FAN1: variants seen among roughly 807,000 people sequenced by gnomAD.
FAN1 encodes FANCD2 and FANCI associated nuclease 1.
Under a neutral mutation model 104.9 loss-of-function variants are expected in FAN1, and 91 were observed. That is an observed-to-expected ratio of 0.87 (90% CI 0.73 to 1.03). FAN1 has a LOEUF of 1.03. Ranked by LOEUF, FAN1 falls within the 50% of genes least tolerant of loss-of-function variation. FAN1 has a pLI of 0.00. For missense variants in FAN1, 1,263 were observed against 1,239.9 expected, an observed-to-expected ratio of 1.02 and a Z score of -0.28; for synonymous variants, 478 against 457.6, an observed-to-expected ratio of 1.04 and a Z score of -0.57.
intron 13 of FAN1, among the ~76,000 whole-genome samples, chr15:30,932,221 CAAAAAAAAAAA>C (rs766829435): frequency 2.0e-5 from 1 of 49,508 alleles, no homozygotes; most frequent in South Asian, 7.4e-4. Context: ...GACTCCATCT[CAAAAAAAAAAA>C]AAAAAAAAAA....
chr15:30,914,482 A>G (rs1350533597), intron 5 of FAN1, among the ~76,000 whole-genome samples: 2 of 152,260 alleles, frequency 1.3e-5, no homozygotes, highest in Non-Finnish European at 2.9e-5. Flanking sequence ...CTCCCACCTC[A>G]GCCTCCCAAG....
Position 30,925,237 on chromosome 15 carries a change from G to A in FAN1, c.2283G>A (p.Lys761=). ...TGCGAGAGTCTCCGAGCTGTAAAAAGTTCAAGCACCTCTTCCAGCAGCTCC... is the reference window on the plus strand; with the variant it reads ...TGCGAGAGTCTCCGAGCTGTAAAAAATTCAAGCACCTCTTCCAGCAGCTCC... ...VRLRESPSCK[K]FKHLFQQLPE... The change falls in exon 9 of 15, where the codon AAG becomes AAA. Residue 761 remains lysine (K), a synonymous_variant. Transcript: ENST00000362065. 1.9e-6 allele frequency: 3 copies of A among 1,614,130 alleles called. No homozygotes were observed. The highest frequency in any genetic ancestry group is 2.5e-6 in the Non-Finnish European group (3 of 1,180,036).
chr15:30,930,802 G>A, intron 13 of FAN1, 131 bp downstream of exon 13: 2 of 1,108,870 alleles, frequency 1.8e-6, no homozygotes, highest in East Asian at 4.8e-5. Flanking sequence ...CCGAGGGCCT[G>A]GGTTCCTGTG....
intron 3 of FAN1, among the ~76,000 whole-genome samples, chr15:30,909,452 G>A (rs115738008): frequency 3.5e-4 from 53 of 152,350 alleles, no homozygotes; most frequent in African/African-American, 1.2e-3. Context: ...GGTCACCTGG[G>A]AACTTGATAC....
At position 30,922,302 on chromosome 15, in the gene FAN1, G is replaced by T. The variant is rs953653119; in HGVS notation, c.2120G>T (p.Trp707Leu). Residue 707 changes from tryptophan to leucine, a missense_variant, in exon 8 of 15, where the codon TGG becomes TTG. This residue lies in a region of FAN1 where 581 missense variants were observed against 668.8 expected (regional missense o/e 0.87). Transcript: ENST00000362065. Reference sequence around the variant, plus strand: ...TATTGTCCTGACAGCAGAGGCCGATGGTGGGATCGACTGGCCCTTAATTTA... The same window carrying T: ...TATTGTCCTGACAGCAGAGGCCGATTGTGGGATCGACTGGCCCTTAATTTA... ...RIYCPDSRGR[W>L]WDRLALNLHQ... 1.2e-6 allele frequency: 2 copies of T among 1,613,928 alleles called. No individual in the cohort carries two copies.
intron 14 of FAN1, chr15:30,939,462 T>C (rs989134601): frequency 1.0e-6 from 1 of 985,348 alleles, no homozygotes; most frequent in Non-Finnish European, 1.2e-6. Flanking sequence ...CTGAAGGCTG[T>C]CATAGTTGTT....
At chr15:30,932,313 G>A (rs2062734946) in intron 13 of FAN1, among the ~76,000 whole-genome samples, 1 of 151,384 alleles carries the variant, frequency 6.6e-6, no homozygotes, top group East Asian at 1.9e-4. Flanking sequence ...TATCTTAACA[G>A]CATTATTTTG....
chr15:30,919,378 CAAAAAAAA>C (rs34395788), intron 6 of FAN1, among the ~76,000 whole-genome samples: 6 of 75,132 alleles, frequency 8.0e-5, no homozygotes, highest in South Asian at 4.8e-4. Flanking sequence ...AACTCCGTCT[CAAAAAAAA>C]AAAAAAAAAA....
At chr15:30,928,418 CT>C (rs1228378859) in intron 10 of FAN1, 134 bp from the exon 11 acceptor site, 8 of 1,493,274 alleles carry the variant, frequency 5.4e-6, no homozygotes, top group Non-Finnish European at 7.1e-6. Flanking sequence ...GCATTTGCTT[CT>C]GAATCTAAAA....
At chr15:30,914,185 T>A in intron 5 of FAN1, 94 bp downstream of exon 5, 1 of 871,762 alleles carries the variant, frequency 1.1e-6, no homozygotes, top group Non-Finnish European at 1.8e-6. Context: ...GTAGAAACAT[T>A]AAGTCCACAG....
At position 30,930,528 on chromosome 15, in the gene FAN1, G is replaced by T. The variant is rs770400642; in HGVS notation, c.2788-15G>T. 1 of 1,583,192 alleles carries T rather than the reference G, an allele frequency of 6.3e-7. No individual in the cohort carries two copies. Among genetic ancestry groups the T allele is most frequent in the Non-Finnish European group, 8.5e-7 (1 of 1,170,942 alleles). On this transcript the variant is annotated splice_polypyrimidine_tract_variant and intron_variant, in intron 12 of 14. Transcript: ENST00000362065. ...CACGAGGGAAGTGGCTAACTGTCCT[G>T]TGTTTTGTGTTCAGGATCTTGTCTC...
chr15:30,919,688 C>CA (rs1315183821), intron 6 of FAN1, among the ~76,000 whole-genome samples: 2 of 118,624 alleles, frequency 1.7e-5, no homozygotes, highest in African/African-American at 7.7e-5. Context: ...GACTCTGTCT[C>CA]GGGGAAAAAA....
chr15:30,930,488 A>G (rs2062678689), intron 12 of FAN1, 55 bp from the exon 13 acceptor site: 4 of 1,548,286 alleles, frequency 2.6e-6, no homozygotes, highest in Non-Finnish European at 3.5e-6. Context: ...CCTGGAGCCT[A>G]TTTCCATTCT....
chr15:30,905,322 C>G lies in FAN1; in HGVS notation c.659C>G (p.Ser220Cys). 2 of 1,613,858 alleles carry G rather than the reference C, an allele frequency of 1.2e-6. No homozygotes were observed. The highest frequency in any genetic ancestry group is 1.7e-6 in the Non-Finnish European group (2 of 1,179,892). ...AAAGAAAACGTGTTTAAATGTGATT[C>G]TCTAAAGGAAGAGTGCATTCCTGAA... is the stretch of plus-strand genomic sequence containing the variant. ...SQKENVFKCDSLKEECIPEHM... is the reference protein window; with the variant it reads ...SQKENVFKCDCLKEECIPEHM... The change falls in exon 2 of 15, where the codon TCT becomes TGT. Residue 220 changes from serine (S) to cysteine (C), a missense_variant. By Grantham distance (112) the Ser-to-Cys change is moderately radical. Transcript: ENST00000362065.
At chr15:30,929,694 AAT>A (rs1188997007) in intron 12 of FAN1, among the ~76,000 whole-genome samples, 3 of 59,840 alleles carry the variant, frequency 5.0e-5, no homozygotes, top group Non-Finnish European at 7.3e-5. Flanking sequence ...ATATATATAA[AAT>A]ATATATTATA....
Position 30,914,109 on chromosome 15 carries a change from C to G in FAN1, c.1811+18C>G. On this transcript the variant is annotated intron_variant, in intron 5 of 14. Coordinates refer to ENST00000362065, the MANE Select transcript of FAN1 (RefSeq NM_014967.5). ...CTTATCAGGTAAGATGATGTTAGCT[C>G]ACTATAATGTCTATATGTGTATTTC... 6.6e-7 allele frequency: 1 copy of G among 1,522,748 alleles called. No individual in the cohort carries two copies. Among genetic ancestry groups the G allele is most frequent in the Non-Finnish European group, 9.1e-7 (1 of 1,098,156 alleles). The allele number at this position is 1,522,748 out of a possible 1,614,324, so 94.3% of individuals were successfully genotyped here.
Position 30,925,110 on chromosome 15 carries a change from A to G in FAN1, c.2173-17A>G, listed in dbSNP as rs757354064. 5.0e-6 allele frequency: 8 copies of G among 1,603,762 alleles called. No homozygotes were observed. In the East Asian group the frequency reaches 6.7e-5, roughly 13 times the overall value. ...GGTTTTTTTAGGAGCCTGATGTGTG[A>G]CCATGCTCTCTGCCAGACTATCAAG... is the stretch of plus-strand genomic sequence containing the variant. On this transcript the variant is annotated splice_polypyrimidine_tract_variant and intron_variant, in intron 8 of 14. Transcript: ENST00000362065.
At chr15:30,928,212 G>A in intron 10 of FAN1, 2 of 1,035,376 alleles carry the variant, frequency 1.9e-6, no homozygotes, top group Non-Finnish European at 2.3e-6. Context: ...TCCCAGCCTT[G>A]GGAACCTGAG....
At chr15:30,909,417 G>A (rs1428522854) in intron 3 of FAN1, among the ~76,000 whole-genome samples, 4 of 152,196 alleles carry the variant, frequency 2.6e-5, no homozygotes, top group Non-Finnish European at 5.9e-5. Context: ...GCAGAGCAGC[G>A]CTTCCCACAC....
Sources: allele counts gnomAD v4.1 joint callset (sites outside exome capture counted in the v4.1 genomes callset), GRCh38; gene constraint gnomAD v4.1.1; regional missense constraint gnomAD v4.1.1; transcripts MANE v1.5; gene names NCBI Gene and HGNC (gene_info 2026-07-23, HGNC 2026-07-21).